The following CPXM1 variants were observed in gnomAD, a reference collection of about 807,000 sequenced individuals.
CPXM1 encodes probable carboxypeptidase X1.
CPXM1 carries 72 observed loss-of-function variants against 80.4 expected under a neutral mutation model. The ratio of observed to expected loss-of-function variants is 0.90; its 90% CI spans 0.74 to 1.09. CPXM1 has a LOEUF of 1.09. Among genes scored for constraint, CPXM1 ranks in the 50% least tolerant of loss-of-function variants. The pLI, the probability that CPXM1 is intolerant of heterozygous loss-of-function variation, is 0.00. For missense variants in CPXM1, 892 were observed against 999.4 expected, an observed-to-expected ratio of 0.89 and a Z score of 1.45; for synonymous variants, 403 against 405.6, an observed-to-expected ratio of 0.99 and a Z score of 0.08.
Position 2,796,023 on chromosome 20 carries a change from G to A in CPXM1, c.1381C>T (p.His461Tyr). The stretch of plus-strand genomic sequence containing the variant: ...GTGTAGTAAGTGGGCAATGGCAGGT[G>A]ATGGTTGGGGACGATGTGGGGCACC... ...GKVPHIVPNH[H>Y]LPLPTYYTLP... The change falls in exon 10 of 14, where the codon CAC becomes TAC. Residue 461 changes from histidine (H) to tyrosine (Y), a missense_variant. This residue lies in a region of CPXM1 where 874 missense variants were observed against 958.4 expected (regional missense o/e 0.91). Coordinates refer to ENST00000380605, the MANE Select transcript of CPXM1 (RefSeq NM_019609.5). This position sits in a 1 kb window ranked among gnomAD's most constrained non-coding sequence, Gnocchi z 6.8. 1 of 1,613,150 alleles carries A rather than the reference G, an allele frequency of 6.2e-7. No homozygotes were observed. Among genetic ancestry groups the A allele is most frequent in the Non-Finnish European group, 8.5e-7 (1 of 1,179,554 alleles).
intron 4 of CPXM1, 29 bp from the exon 5 acceptor site, chr20:2,798,087 G>T (rs755316012): frequency 1.2e-6 from 2 of 1,613,698 alleles, no homozygotes; most frequent in Non-Finnish European, 1.7e-6. Flanking sequence ...AGAGATCATC[G>T]GTGCCCCCAG....
Position 2,796,633 on chromosome 20 carries a change from T to C in CPXM1, c.939A>G (p.Gln313=), listed in dbSNP as rs1484861633. The C allele has an allele frequency of 1.9e-6, 3 of 1,614,022 alleles. No individual in the cohort carries two copies. Among genetic ancestry groups the C allele is most frequent in the African/African-American group, 2.7e-5 (2 of 74,932 alleles). ...KAMRKLMKQV[Q]EQCPNITRIY... ...TGCGGGTGATGTTGGGGCATTGCTC[T>C]TGTACCTGCTTCATCAGCTGGTGGG... Residue 313 remains glutamine (Q), a synonymous_variant, in exon 8 of 14, where the codon CAA becomes CAG. Transcript: ENST00000380605. The surrounding 1 kb of genome is among the most constrained non-coding windows in gnomAD (Gnocchi z 6.8).
chr20:2,794,665 C>A lies in CPXM1; in HGVS notation c.1861-26G>T, dbSNP rs758392407. On this transcript the variant is annotated intron_variant, in intron 12 of 13. Transcript: ENST00000380605. The surrounding 1 kb of genome is among the most constrained non-coding windows in gnomAD (Gnocchi z 5.2). ...CTGTGTGGGAAGAGGTTATCAGAGC[C>A]CTTCCCCTTCGGCAGGATAATGTGC... The A allele has an allele frequency of 1.3e-6, 2 of 1,568,648 alleles. No individual in the cohort carries two copies. The highest frequency in any genetic ancestry group is 1.7e-6 in the Non-Finnish European group (2 of 1,145,152).
rs1016413743 is a variant in CPXM1 at position 2,798,849 on chromosome 20, T to C, written c.217A>G (p.Lys73Glu). The C allele has an allele frequency of 2.5e-6, 4 of 1,613,920 alleles. No homozygotes were observed. The highest frequency in any genetic ancestry group is 1.3e-5 in the African/African-American group (1 of 74,874). Residue 73 changes from lysine (K) to glutamate (E), a missense_variant, in exon 2 of 14, where the codon AAG becomes GAG. Transcript: ENST00000380605. ...HVRIRVIKKK[K>E]VIMKKRKKLT... The stretch of plus-strand genomic sequence containing the variant: ...TTCTTCCGCTTCTTCATAATGACCT[T>C]TTTCTTCTTGATGACTCGAATCCGG...
rs2088487397 is a variant in CPXM1 at position 2,794,738 on chromosome 20, T to C, written c.1861-99A>G. ...TGTTGCCCTGCAAACCTGAGCAAAG[T>C]GGTAGGTCTACTGTGTTCCTAGGTG... On this transcript the variant is annotated intron_variant, in intron 12 of 13. Coordinates refer to ENST00000380605, the MANE Select transcript of CPXM1 (RefSeq NM_019609.5). The surrounding 1 kb of genome is among the most constrained non-coding windows in gnomAD (Gnocchi z 5.2). 1.2e-6 allele frequency: 1 copy of C among 868,408 alleles called. No homozygotes were observed. The highest frequency in any genetic ancestry group is 1.9e-5 in the Admixed American group (1 of 52,802). 53.8% of individuals were successfully genotyped at this position (868,408 alleles called of 1,614,324 possible).
Position 2,795,659 on chromosome 20 carries a change from G to A in CPXM1, c.1660C>T (p.Gln554Ter). The change falls in exon 11 of 14, where the codon CAG becomes TAG. Residue 554 changes from glutamine to a stop codon, truncating the protein, a stop_gained. Transcript: ENST00000380605. LOFTEE classifies it high-confidence loss of function. This position sits in a 1 kb window ranked among gnomAD's most constrained non-coding sequence, Gnocchi z 5.4. ...QDTSRRPCHS[Q>*]DFSVHGNIIN... Reference sequence around the variant, plus strand: ...ATGTTGCCGTGCACGGAGAAGTCCTGGCTGTGGCAGGGTCGGCGGCTGGTG... The same window carrying A: ...ATGTTGCCGTGCACGGAGAAGTCCTAGCTGTGGCAGGGTCGGCGGCTGGTG... 6.2e-7 allele frequency: 1 copy of A among 1,614,152 alleles called. No homozygotes were observed. Among genetic ancestry groups the A allele is most frequent in the Non-Finnish European group, 8.5e-7 (1 of 1,180,032 alleles).
chr20:2,795,472 C>T lies in CPXM1; in HGVS notation c.1721-56G>A, dbSNP rs548047354. Reference sequence around the variant, plus strand: ...CAGGCGGGATGCGGTCCCATCCTCCCGCTACCCTCCCTTCTCTGAGGGACA... The same window carrying T: ...CAGGCGGGATGCGGTCCCATCCTCCTGCTACCCTCCCTTCTCTGAGGGACA... On this transcript the variant is annotated intron_variant, in intron 11 of 13. Transcript: ENST00000380605. The surrounding 1 kb of genome is among the most constrained non-coding windows in gnomAD (Gnocchi z 5.4). 9.4e-6 allele frequency: 15 copies of T among 1,596,514 alleles called. No individual in the cohort carries two copies. The highest frequency in any genetic ancestry group is 3.4e-4 in the Middle Eastern group (2 of 5,862).
rs2088492352 is a variant in CPXM1 at position 2,795,248 on chromosome 20, C to T, written c.1860+29G>A. On this transcript the variant is annotated intron_variant, in intron 12 of 13. Transcript: ENST00000380605. This position sits in a 1 kb window ranked among gnomAD's most constrained non-coding sequence, Gnocchi z 5.4. ...AAATGGACAGCAGGAGTGATTCAGGCAGGCTGGGGGCCGGGACGCAGATCC... is the reference window on the plus strand; with the variant it reads ...AAATGGACAGCAGGAGTGATTCAGGTAGGCTGGGGGCCGGGACGCAGATCC... 6 of 1,606,842 alleles carry T rather than the reference C, an allele frequency of 3.7e-6. No individual in the cohort carries two copies. In the East Asian group the frequency reaches 6.7e-5, roughly 18 times the overall value.
In CPXM1 at chr20:2,798,421, T is replaced by A. The variant is rs1443539088; in HGVS notation, c.450+7A>T. 1.2e-6 allele frequency: 2 copies of A among 1,611,590 alleles called. No individual in the cohort carries two copies. Among genetic ancestry groups the A allele is most frequent in the African/African-American group, 2.7e-5 (2 of 74,822 alleles). On this transcript the variant is annotated splice_region_variant and intron_variant, in intron 3 of 13. Transcript: ENST00000380605. ...TGAGACCATGGCTCCGAGCCAGGAT[T>A]ACTGACCTGAATGTTGAGCCGTCCT...
chr20:2,798,082 T>A, intron 4 of CPXM1, 24 bp from the exon 5 acceptor site: 1 of 1,613,948 alleles, frequency 6.2e-7, no homozygotes, highest in Middle Eastern at 1.7e-4. Flanking sequence ...TGGAGAGAGA[T>A]CATCGGTGCC....
Position 2,797,276 on chromosome 20 carries a change from G to C in CPXM1, c.748C>G (p.Arg250Gly), listed in dbSNP as rs780353190. The stretch of plus-strand genomic sequence containing the variant: ...GTCTGGGGCAGCAGGCGAATGAAGC[G>C]GGCCACCTGGGGCTCCGGCAGGAGG... ...LNLLPEPQVA[R>G]FIRLLPQTWL... is the part of the protein sequence containing the mutation. Residue 250 changes from arginine to glycine, a missense_variant, in exon 6 of 14, where the codon CGC (arginine) becomes GGC (glycine). Arg to Gly is a moderately radical substitution (Grantham distance 125). Coordinates refer to ENST00000380605, the MANE Select transcript of CPXM1 (RefSeq NM_019609.5). 3 of 1,566,926 alleles carry C rather than the reference G, an allele frequency of 1.9e-6. No individual in the cohort carries two copies. The highest frequency in any genetic ancestry group is 2.6e-6 in the Non-Finnish European group (3 of 1,154,888).
Position 2,794,714 on chromosome 20 carries a change from G to A in CPXM1, c.1861-75C>T, listed in dbSNP as rs1211643278. On this transcript the variant is annotated intron_variant, in intron 12 of 13. Transcript: ENST00000380605. The surrounding 1 kb of genome is among the most constrained non-coding windows in gnomAD (Gnocchi z 5.2). Reference sequence around the variant, plus strand: ...GCTGTTTAGCTAACTTGCTGGCTCTGTTGCCCTGCAAACCTGAGCAAAGTG... The same window carrying A: ...GCTGTTTAGCTAACTTGCTGGCTCTATTGCCCTGCAAACCTGAGCAAAGTG... The A allele has an allele frequency of 8.2e-7, 1 of 1,223,192 alleles. No individual in the cohort carries two copies. Among genetic ancestry groups the A allele is most frequent in the South Asian group, 1.2e-5 (1 of 81,746 alleles). 75.8% of individuals were successfully genotyped at this position (1,223,192 alleles called of 1,614,324 possible).
In CPXM1 at chr20:2,800,454, G is replaced by C; in HGVS notation, c.119C>G (p.Ser40Trp). Residue 40 changes from serine to tryptophan, a missense_variant, in exon 1 of 14, where the codon TCG (serine) becomes TGG (tryptophan). This residue lies in a region of CPXM1 where 874 missense variants were observed against 958.4 expected (regional missense o/e 0.91). Coordinates refer to ENST00000380605, the MANE Select transcript of CPXM1 (RefSeq NM_019609.5). The part of the protein sequence containing the change: ...AQPGTTKVPG[S>W]TPALHSSPAQ... Reference sequence around the variant, plus strand: ...CGGGCTGCTATGCAGGGCCGGGGTCGAGCCTGGGACCTTGGTGGTCCCGGG... The same window carrying C: ...CGGGCTGCTATGCAGGGCCGGGGTCCAGCCTGGGACCTTGGTGGTCCCGGG... 1 of 1,500,370 alleles carries C rather than the reference G, an allele frequency of 6.7e-7. No homozygotes were observed. The highest frequency in any genetic ancestry group is 8.8e-7 in the Non-Finnish European group (1 of 1,132,126). 92.9% of individuals were successfully genotyped at this position (1,500,370 alleles called of 1,614,324 possible). A position where few individuals can be genotyped will look rare whatever the true frequency, so the allele number is the denominator to read the frequency against.
Position 2,796,416 on chromosome 20 carries a change from C to T in CPXM1, c.1073G>A (p.Gly358Asp), listed in dbSNP as rs1453540234. The T allele has an allele frequency of 6.2e-7, 1 of 1,613,926 alleles. No homozygotes were observed. Among genetic ancestry groups the T allele is most frequent in the Non-Finnish European group, 8.5e-7 (1 of 1,180,000 alleles). Residue 358 changes from glycine to aspartate, a missense_variant, in exon 9 of 14, where the codon GGC (glycine) becomes GAC (aspartate). This residue lies in a region of CPXM1 where 874 missense variants were observed against 958.4 expected (regional missense o/e 0.91). Transcript: ENST00000380605. This position sits in a 1 kb window ranked among gnomAD's most constrained non-coding sequence, Gnocchi z 6.8. Reference sequence around the variant, plus strand: ...CCCCAGGGCCTCGTTCCCATGCATGCCAGCCACGTAGCGCACCTCAGGCTC... The same window carrying T: ...CCCCAGGGCCTCGTTCCCATGCATGTCAGCCACGTAGCGCACCTCAGGCTC... ...LGEPEVRYVA[G>D]MHGNEALGRE...
chr20:2,800,160 CGT>C (rs369939465), intron 1 of CPXM1, among the ~76,000 whole-genome samples: 41 of 149,194 alleles, frequency 2.7e-4, no homozygotes, highest in East Asian at 1.2e-3. Context: ...TGTGAGTGTG[CGT>C]GTGTGTGCAT....
In CPXM1 at chr20:2,797,287, G is replaced by T. The variant is rs749785851; in HGVS notation, c.737C>A (p.Pro246His). The T allele has an allele frequency of 1.9e-6, 3 of 1,565,030 alleles. No individual in the cohort carries two copies. Among genetic ancestry groups the T allele is most frequent in the South Asian group, 2.3e-5 (2 of 85,844 alleles). ...ETPVLNLLPE[P>H]QVARFIRLLP... Reference sequence around the variant, plus strand: ...CAGGCGAATGAAGCGGGCCACCTGGGGCTCCGGCAGGAGGTTCAGCACTGG... The same window carrying T: ...CAGGCGAATGAAGCGGGCCACCTGGTGCTCCGGCAGGAGGTTCAGCACTGG... Residue 246 changes from proline (P) to histidine (H), a missense_variant, in exon 6 of 14, where the codon CCC (proline) becomes CAC (histidine). Physicochemically the swap from Pro to His is moderately conservative, Grantham distance 77. Transcript: ENST00000380605.
intron 1 of CPXM1, among the ~76,000 whole-genome samples, chr20:2,800,083 G>A (rs1319886915): frequency 6.6e-6 from 1 of 152,042 alleles, no homozygotes; most frequent in African/African-American, 2.4e-5. Flanking sequence ...GTGTGAGTGT[G>A]TATATGTGTG....
intron 5 of CPXM1, among the ~76,000 whole-genome samples, chr20:2,797,640 G>T (rs138006300): frequency 1.3e-5 from 2 of 152,332 alleles, no homozygotes; most frequent in East Asian, 3.9e-4. Flanking sequence ...GTAAAAAGAG[G>T]TCCATGAGAT....
Position 2,798,266 on chromosome 20 carries a change from T to C in CPXM1, c.476A>G (p.Tyr159Cys). The C allele has an allele frequency of 1.2e-6, 2 of 1,613,916 alleles. No individual in the cohort carries two copies. Among genetic ancestry groups the C allele is most frequent in the African/African-American group, 1.3e-5 (1 of 75,026 alleles). Reference sequence around the variant, plus strand: ...CTCCTCAGCACACCAGGCTCCATCATATAGATCGCCGTCCTCCAGGCCTGA... The same window carrying C: ...CTCCTCAGCACACCAGGCTCCATCACATAGATCGCCGTCCTCCAGGCCTGA... ...IQSGLEDGDL[Y>C]DGAWCAEEQD... The change falls in exon 4 of 14, where the codon TAT (tyrosine) becomes TGT (cysteine). Residue 159 changes from tyrosine to cysteine, a missense_variant. Around this residue, in one of 2 missense-constraint regions of CPXM1, gnomAD observed 874 missense variants for 958.4 expected, o/e 0.91. Coordinates refer to ENST00000380605, the MANE Select transcript of CPXM1 (RefSeq NM_019609.5).
Sources: allele counts gnomAD v4.1 joint callset (sites outside exome capture counted in the v4.1 genomes callset), GRCh38; gene constraint gnomAD v4.1.1; regional missense constraint gnomAD v4.1.1; non-coding constraint Gnocchi (gnomAD v3.1); transcripts MANE v1.5; gene names NCBI Gene and HGNC (gene_info 2026-07-23, HGNC 2026-07-21).